The following SCAPER variants were observed in gnomAD, a reference collection of about 807,000 sequenced individuals.
The protein encoded by SCAPER is S phase cyclin A-associated protein in the endoplasmic reticulum.
In SCAPER, 98 loss-of-function variants were observed where a neutral mutation model predicts 182.2. That is an observed-to-expected ratio of 0.54 (90% CI 0.46 to 0.64). The LOEUF is 0.64. Ranked by LOEUF, SCAPER falls within the 30% of genes least tolerant of loss-of-function variation. The probability of loss-of-function intolerance (pLI) is 0.00; values close to 1 mark genes in which losing one functional copy is unlikely to be tolerated. For missense variants in SCAPER, 1,432 were observed against 1,690.0 expected (o/e 0.85, Z 2.68); for synonymous variants, 605 against 564.6 (o/e 1.07, Z -1.01).
At chr15:76,425,304 T>C (rs921457370) in intron 26 of SCAPER, among the ~76,000 whole-genome samples, 1 of 152,224 alleles carries the variant, frequency 6.6e-6, no homozygotes, top group Admixed American at 6.5e-5. Context: ...TCTGGGAGGC[T>C]TTGTTCATTT....
At chr15:76,438,946 C>T (rs1434716642) in intron 25 of SCAPER, among the ~76,000 whole-genome samples, 2 of 152,138 alleles carry the variant, frequency 1.3e-5, no homozygotes, top group African/African-American at 4.8e-5. Flanking sequence ...CTCCTTGTCC[C>T]TTTGTATAGA....
chr15:76,517,856 T>C (rs2144214535), intron 23 of SCAPER, among the ~76,000 whole-genome samples: 1 of 152,050 alleles, frequency 6.6e-6, no homozygotes, highest in South Asian at 2.1e-4. Context: ...ACTTTTAGGA[T>C]TAGAGGAGGG....
intron 8 of SCAPER, among the ~76,000 whole-genome samples, chr15:76,794,313 T>A (rs931177923): frequency 6.6e-6 from 1 of 152,204 alleles, no homozygotes; most frequent in East Asian, 1.9e-4. Flanking sequence ...TTCCTTTAAG[T>A]TTTTTGCAAT....
chr15:76,571,356 A>C (rs1006490926), intron 23 of SCAPER, among the ~76,000 whole-genome samples: 4 of 152,154 alleles, frequency 2.6e-5, no homozygotes, highest in African/African-American at 9.6e-5. Flanking sequence ...GAAGTGGCTT[A>C]AGATTTTTTT....
chr15:76,766,797 C>G, intron 11 of SCAPER, 121 bp downstream of exon 11: 1 of 771,662 alleles, frequency 1.3e-6, no homozygotes, highest in Non-Finnish European at 2.0e-6. Context: ...GATTACTGAA[C>G]ATGATTTTTA....
At chr15:76,461,858 A>G (rs1233483311) in intron 25 of SCAPER, among the ~76,000 whole-genome samples, 1 of 152,094 alleles carries the variant, frequency 6.6e-6, no homozygotes, top group Non-Finnish European at 1.5e-5. Flanking sequence ...AGGTGTTGAT[A>G]TTTTCTTTTT....
At chr15:76,841,643 T>C (rs750283434) in intron 5 of SCAPER, 91 bp downstream of exon 5, 62 of 1,338,018 alleles carry the variant, frequency 4.6e-5, no homozygotes, top group Non-Finnish European at 6.2e-5. Context: ...CAAAACTCCA[T>C]CTCAAAGAAA....
chr15:76,592,231 G>A (rs1464124755), intron 22 of SCAPER, among the ~76,000 whole-genome samples: 1 of 151,262 alleles, frequency 6.6e-6, no homozygotes, highest in African/African-American at 2.4e-5. Flanking sequence ...TTTTAAAATG[G>A]CATCTTAGAG....
chr15:76,411,630 T>C (rs2045294595), intron 26 of SCAPER, among the ~76,000 whole-genome samples: 1 of 152,158 alleles, frequency 6.6e-6, no homozygotes. Context: ...TCATTTCTAT[T>C]GGGTAAATAC....
intron 21 of SCAPER, among the ~76,000 whole-genome samples, chr15:76,642,225 C>T (rs1396926864): frequency 6.6e-6 from 1 of 152,038 alleles, no homozygotes. Flanking sequence ...CTTGATTATC[C>T]ACGTTTTCTT....
chr15:76,673,856 A>G (rs1464243189), intron 20 of SCAPER, among the ~76,000 whole-genome samples: 3 of 152,060 alleles, frequency 2.0e-5, no homozygotes, highest in Non-Finnish European at 2.9e-5. Flanking sequence ...ACTCTCACTG[A>G]ACAAAAGATG....
intron 15 of SCAPER, among the ~76,000 whole-genome samples, chr15:76,745,102 A>G (rs1255048766): frequency 6.6e-6 from 1 of 152,094 alleles, no homozygotes; most frequent in Non-Finnish European, 1.5e-5. Flanking sequence ...ATATGGACAT[A>G]AACATGGGAA....
intron 8 of SCAPER, among the ~76,000 whole-genome samples, chr15:76,778,653 G>T (rs948672901): frequency 6.6e-6 from 1 of 151,952 alleles, no homozygotes; most frequent in Non-Finnish European, 1.5e-5. Flanking sequence ...ATGTGTGTGT[G>T]TGTGTGTGTG....
chr15:76,488,042 C>G (rs1479945257), intron 24 of SCAPER, among the ~76,000 whole-genome samples: 1 of 152,108 alleles, frequency 6.6e-6, no homozygotes, highest in African/African-American at 2.4e-5. Flanking sequence ...CACTCTCCCA[C>G]CCCCAAGATA....
intron 17 of SCAPER, among the ~76,000 whole-genome samples, chr15:76,725,015 C>G (rs777841464): frequency 1.3e-5 from 2 of 152,030 alleles, no homozygotes; most frequent in Admixed American, 1.3e-4. Context: ...CCATCTTCTG[C>G]GTTGCTCACA....
At chr15:76,565,914 T>C (rs922988343) in intron 23 of SCAPER, among the ~76,000 whole-genome samples, 2 of 152,122 alleles carry the variant, frequency 1.3e-5, no homozygotes, top group African/African-American at 4.8e-5. Context: ...CAGTTATGTA[T>C]CAGTTGCAAT....
chr15:76,657,593 A>C (rs141057826), intron 21 of SCAPER, among the ~76,000 whole-genome samples: 2,326 of 150,596 alleles, frequency 0.015, 65 homozygotes, highest in African/African-American at 0.054. Context: ...AACAACAAAA[A>C]AAAAAAAAAA....
At chr15:76,778,575 C>G (rs931946339) in intron 8 of SCAPER, among the ~76,000 whole-genome samples, 1 of 151,764 alleles carries the variant, frequency 6.6e-6, no homozygotes, top group Non-Finnish European at 1.5e-5. Context: ...TTCTAAATAT[C>G]CAAATTAAAT....
intron 21 of SCAPER, among the ~76,000 whole-genome samples, chr15:76,661,184 C>G (rs1343236486): frequency 6.6e-6 from 1 of 151,874 alleles, no homozygotes; most frequent in East Asian, 1.9e-4. Context: ...AAGTAAAAAA[C>G]TAACTTAAAT....
Sources: allele counts gnomAD v4.1 joint callset (sites outside exome capture counted in the v4.1 genomes callset), GRCh38; gene constraint gnomAD v4.1.1; transcripts MANE v1.5; gene names NCBI Gene and HGNC (gene_info 2026-07-23, HGNC 2026-07-21).